The following MAGI1 variants were observed in gnomAD, a reference collection of about 807,000 sequenced individuals.
MAGI1 encodes the protein membrane associated guanylate kinase, WW and PDZ domain containing 1, also known as membrane-associated guanylate kinase, WW and PDZ domain-containing protein 1.
In MAGI1, 58 loss-of-function variants were observed where a neutral mutation model predicts 139.9. The observed-to-expected ratio is 0.41, with a 90% CI of 0.34 to 0.52. The LOEUF (loss-of-function observed/expected upper bound fraction) is 0.52. Ranked by LOEUF, MAGI1 falls within the 20% of genes least tolerant of loss-of-function variation. The pLI is 0.12. For synonymous variants in MAGI1, 812 were observed against 737.9 expected (o/e 1.10, Z -1.63); for missense variants, 1,874 against 1,901.6 (o/e 0.99, Z 0.27).
In MAGI1 at chr3:66,033,536, G is replaced by A. The variant is rs150846076; in HGVS notation, c.313+4460C>T. Among the ~76,000 whole-genome samples the A allele has an allele frequency of 3.9e-4, 60 of 152,310 alleles. No homozygotes were observed. The East Asian group carries it at 0.011, about 29-fold the overall frequency. On this transcript the variant is annotated intron_variant, in intron 1 of 22. Coordinates refer to ENST00000402939, the MANE Select transcript of MAGI1 (RefSeq NM_001033057.2). ...CATGAGAAACCAAACAACTCTGAAA[G>A]ACAAGGCCCTGTGTTTTAAAATGAG... is the stretch of plus-strand genomic sequence containing the variant.
chr3:65,603,963 C>A (rs777562452), intron 2 of MAGI1, among the ~76,000 whole-genome samples: 2 of 152,158 alleles, frequency 1.3e-5, no homozygotes, highest in Non-Finnish European at 2.9e-5. Context: ...ATGACTGAAT[C>A]ACCTCGGAAA....
At chr3:65,552,735 C>T (rs916403618) in intron 2 of MAGI1, among the ~76,000 whole-genome samples, 9 of 152,176 alleles carry the variant, frequency 5.9e-5, no homozygotes, top group Admixed American at 1.3e-4. Flanking sequence ...CCTGTGAAAA[C>T]TGAAATTTGC....
At chr3:65,521,955 A>G (rs531939603) in intron 2 of MAGI1, among the ~76,000 whole-genome samples, 13 of 152,266 alleles carry the variant, frequency 8.5e-5, no homozygotes, top group Admixed American at 2.0e-4. Context: ...TCATAGCTAC[A>G]TAAGCTTAAG....
At chr3:65,408,096 G>A (rs1945500112) in intron 12 of MAGI1, among the ~76,000 whole-genome samples, 1 of 152,194 alleles carries the variant, frequency 6.6e-6, no homozygotes, top group Admixed American at 6.5e-5. Context: ...ACCTTCACTA[G>A]TGACCCTCAG....
At chr3:65,847,301 T>C (rs1223367034) in intron 1 of MAGI1, among the ~76,000 whole-genome samples, 2 of 152,152 alleles carry the variant, frequency 1.3e-5, no homozygotes, top group Admixed American at 6.5e-5. Context: ...GCTTTAGAAT[T>C]CCCAAATTGT....
intron 2 of MAGI1, among the ~76,000 whole-genome samples, chr3:65,500,182 A>G (rs2077028445): frequency 6.6e-6 from 1 of 152,208 alleles, no homozygotes; most frequent in African/African-American, 2.4e-5. Flanking sequence ...GATTTGAGAA[A>G]GTGGTACTAT....
At chr3:65,775,501 C>A (rs78652875) in intron 1 of MAGI1, among the ~76,000 whole-genome samples, 650 of 29,496 alleles carry the variant, frequency 0.022, 20 homozygotes, top group African/African-American at 0.046. Context: ...ACCCACTCTG[C>A]CAAAAAAAAA....
At chr3:65,745,843 C>G (rs1480758271) in intron 1 of MAGI1, among the ~76,000 whole-genome samples, 1 of 152,184 alleles carries the variant, frequency 6.6e-6, no homozygotes, top group Non-Finnish European at 1.5e-5. Flanking sequence ...AGTCCTCCCA[C>G]TTTGGCCTCC....
rs981567146 is a variant in MAGI1 at position 65,691,245 on chromosome 3, G to C, written c.314-69157C>G. Among the ~76,000 whole-genome samples the C allele has an allele frequency of 2.0e-5, 3 of 148,572 alleles. No homozygotes were observed. In the Admixed American group the frequency reaches 2.0e-4, roughly 10 times the overall value. ...GTGAACCCGGGAGGAGGAGGTTGCA[G>C]TGAGCCGAGATCGCGTCACTGCACT... On this transcript the variant is annotated intron_variant, in intron 1 of 22. Coordinates refer to ENST00000402939, the MANE Select transcript of MAGI1 (RefSeq NM_001033057.2).
At chr3:65,804,197 G>A (rs1051585036) in intron 1 of MAGI1, among the ~76,000 whole-genome samples, 3 of 151,794 alleles carry the variant, frequency 2.0e-5, no homozygotes, top group African/African-American at 4.8e-5. Context: ...GAGACCCTGC[G>A]TGGCACAAGC....
chr3:65,996,554 GA>G (rs1423133326), intron 1 of MAGI1, among the ~76,000 whole-genome samples: 4 of 103,136 alleles, frequency 3.9e-5, no homozygotes, highest in Non-Finnish European at 6.1e-5. Context: ...GGGGGGGGGG[GA>G]AGCGAGCCCC....
intron 1 of MAGI1, among the ~76,000 whole-genome samples, chr3:65,970,961 T>C (rs907194449): frequency 1.3e-5 from 2 of 152,166 alleles, no homozygotes; most frequent in African/African-American, 4.8e-5. Context: ...TCCCAGCACT[T>C]TGGGAGGCCG....
At chr3:65,370,513 T>C (rs1417275797) in intron 18 of MAGI1, among the ~76,000 whole-genome samples, 2 of 152,256 alleles carry the variant, frequency 1.3e-5, no homozygotes, top group African/African-American at 2.4e-5. Context: ...AAGGTGTCTA[T>C]GTGAATTTTA....
chr3:66,009,433 C>G (rs1412492874), intron 1 of MAGI1, among the ~76,000 whole-genome samples: 1 of 152,048 alleles, frequency 6.6e-6, no homozygotes, highest in Non-Finnish European at 1.5e-5. Context: ...TCACTTGAAC[C>G]CCAGAGACCG....
intron 2 of MAGI1, among the ~76,000 whole-genome samples, chr3:65,581,229 G>C (rs2081406824): frequency 1.3e-5 from 2 of 152,088 alleles, no homozygotes; most frequent in African/African-American, 2.4e-5. Flanking sequence ...GAGTCAAAAA[G>C]GGGGCAGCAC....
intron 1 of MAGI1, among the ~76,000 whole-genome samples, chr3:65,981,151 CA>C (rs11429632): frequency 2.2e-4 from 28 of 129,332 alleles, no homozygotes; most frequent in Non-Finnish European, 2.1e-4. Flanking sequence ...GACTCCATCT[CA>C]AAAAAAAAAA....
chr3:65,856,725 A>G (rs1456744069), intron 1 of MAGI1, among the ~76,000 whole-genome samples: 6 of 152,182 alleles, frequency 3.9e-5, no homozygotes, highest in African/African-American at 1.4e-4. Context: ...TGTCCCCTCC[A>G]TACTGATGCC....
intron 6 of MAGI1, among the ~76,000 whole-genome samples, chr3:65,451,713 C>T (rs1041909181): frequency 2.0e-5 from 3 of 152,206 alleles, no homozygotes; most frequent in Non-Finnish European, 4.4e-5. Context: ...GGCACAATCA[C>T]AGCTCTCTGC....
chr3:65,579,266 C>T (rs2081312225), intron 2 of MAGI1, among the ~76,000 whole-genome samples: 1 of 152,148 alleles, frequency 6.6e-6, no homozygotes, highest in African/African-American at 2.4e-5. Flanking sequence ...ATGATGGCAG[C>T]AGGTGCAACC....
Sources: gnomAD v4.1 joint callset for allele counts (sites outside exome capture counted in the v4.1 genomes callset) on GRCh38, gnomAD v4.1.1 for gene constraint, MANE v1.5 for transcripts, NCBI Gene and HGNC (gene_info 2026-07-23, HGNC 2026-07-21) for gene names.